The following SESN1 variants were observed in gnomAD, a reference collection of about 807,000 sequenced individuals.
SESN1 encodes the protein sestrin-1.
A neutral mutation model predicts 59.3 loss-of-function variants in SESN1; 30 were observed. The observed-to-expected ratio is 0.51, with a 90% confidence interval of 0.38 to 0.69. The LOEUF (loss-of-function observed/expected upper bound fraction) is 0.69, where lower values mean the gene tolerates loss of function less well. Among genes scored for constraint, SESN1 ranks in the 30% least tolerant of loss-of-function variants. SESN1 has a pLI of 0.00. For missense variants in SESN1, 566 were observed against 673.0 expected (o/e 0.84, Z 1.76); for synonymous variants, 197 against 219.9 (o/e 0.90, Z 0.92).
intron 1 of SESN1, among the ~76,000 whole-genome samples, chr6:109,090,898 T>A (rs1337401865): frequency 6.6e-6 from 1 of 152,170 alleles, no homozygotes; most frequent in Non-Finnish European, 1.5e-5. Flanking sequence ...GCCTCCTGAA[T>A]AGCTGGTACT....
intron 1 of SESN1, among the ~76,000 whole-genome samples, chr6:109,054,745 C>A (rs558572036): frequency 6.7e-6 from 1 of 150,190 alleles, no homozygotes; most frequent in East Asian, 1.9e-4. Context: ...ATTTTATGAG[C>A]TTCTTTGCAC....
intron 8 of SESN1, among the ~76,000 whole-genome samples, chr6:108,989,065 C>T (rs113477421): frequency 0.099 from 15,101 of 152,140 alleles, 900 homozygotes; most frequent in Middle Eastern, 0.19. Flanking sequence ...TGCAGTGGTG[C>T]TATCTTGGCT....
chr6:109,024,399 G>A (rs763006108), intron 1 of SESN1, among the ~76,000 whole-genome samples: 1 of 152,106 alleles, frequency 6.6e-6, no homozygotes, highest in Non-Finnish European at 1.5e-5. Context: ...AACTTGGATA[G>A]CACAGTAGCA....
intron 1 of SESN1, among the ~76,000 whole-genome samples, chr6:109,061,602 G>A (rs971946373): frequency 5.3e-5 from 8 of 151,998 alleles, no homozygotes; most frequent in African/African-American, 1.4e-4. Context: ...TCAGGAGTTC[G>A]CGACCAGCCT....
intron 1 of SESN1, among the ~76,000 whole-genome samples, chr6:109,033,339 A>T (rs1780210637): frequency 6.6e-6 from 1 of 152,182 alleles, no homozygotes; most frequent in Admixed American, 6.5e-5. Context: ...TAATTAGAAT[A>T]AAAAAATTTA....
chr6:109,022,486 G>A (rs1238880174), intron 1 of SESN1, among the ~76,000 whole-genome samples: 1 of 130,834 alleles, frequency 7.6e-6, no homozygotes, highest in Non-Finnish European at 1.5e-5. Context: ...GCAGTGGCGC[G>A]ATCTCGGCTC....
intron 1 of SESN1, among the ~76,000 whole-genome samples, chr6:109,025,593 T>C (rs1161822491): frequency 1.3e-5 from 2 of 149,942 alleles, no homozygotes; most frequent in Non-Finnish European, 3.0e-5. Context: ...TTTTAAAACT[T>C]TAAAGGAAAT....
intron 2 of SESN1, 93 bp from the exon 3 acceptor site, chr6:109,001,581 A>C: frequency 9.0e-7 from 1 of 1,109,570 alleles, no homozygotes; most frequent in Non-Finnish European, 1.3e-6. Flanking sequence ...TATCATTTAG[A>C]AGCAGATTAA....
chr6:108,992,421 A>G (rs1017377565), intron 7 of SESN1, among the ~76,000 whole-genome samples: 1 of 152,096 alleles, frequency 6.6e-6, no homozygotes, highest in East Asian at 1.9e-4. Flanking sequence ...CAGGCCCCTT[A>G]GTTTTTTGAG....
chr6:109,054,497 T>C (rs955849515), intron 1 of SESN1, among the ~76,000 whole-genome samples: 4 of 152,200 alleles, frequency 2.6e-5, no homozygotes, highest in African/African-American at 4.8e-5. Flanking sequence ...GATAAAATTA[T>C]GTTACACCAA....
intron 1 of SESN1, among the ~76,000 whole-genome samples, chr6:109,060,434 A>G (rs1583291281): frequency 6.6e-6 from 1 of 152,302 alleles, no homozygotes; most frequent in East Asian, 1.9e-4. Context: ...TGACCTGCCA[A>G]GCCTTTTTTC....
chr6:109,067,526 C>T (rs956198114), intron 1 of SESN1, among the ~76,000 whole-genome samples: 1 of 152,172 alleles, frequency 6.6e-6, no homozygotes. Context: ...TCCATTTCAT[C>T]GGCAGAGCCT....
chr6:109,013,670 G>A (rs752072218), intron 1 of SESN1, among the ~76,000 whole-genome samples: 7 of 152,194 alleles, frequency 4.6e-5, no homozygotes, highest in Non-Finnish European at 1.0e-4. Context: ...ACTTAATGCA[G>A]TAATTGGTTA....
chr6:109,086,558 TC>T (rs1383522461), intron 1 of SESN1, among the ~76,000 whole-genome samples: 1 of 152,210 alleles, frequency 6.6e-6, no homozygotes, highest in Non-Finnish European at 1.5e-5. Flanking sequence ...ACTTTCTAAT[TC>T]TTTTACTTCA....
In SESN1 at chr6:109,093,851, T is replaced by C; in HGVS notation, c.223A>G (p.Arg75Gly). ...TCTCTCACATCTTTGAAGGGACACC[T>C]CTTAGAAAGCATAAGCAGATGAGCA... ...LLAHLLMLSK[R>G]CPFKDVREKS... The change falls in exon 1 of 10, where the codon AGG becomes GGG. Residue 75 changes from arginine to glycine, a missense_variant. Coordinates refer to ENST00000436639, the MANE Select transcript of SESN1 (RefSeq NM_014454.3). 6.2e-7 allele frequency: 1 copy of C among 1,614,222 alleles called. No homozygotes were observed. Among genetic ancestry groups the C allele is most frequent in the Non-Finnish European group, 8.5e-7 (1 of 1,180,044 alleles).
chr6:109,093,727 C>T (rs1302503171), intron 1 of SESN1, 68 bp downstream of exon 1: 3 of 1,464,102 alleles, frequency 2.0e-6, no homozygotes, highest in South Asian at 2.6e-5. Context: ...ACAAACACAA[C>T]GTGAATAACG....
At chr6:109,078,713 C>G (rs999290761) in intron 1 of SESN1, among the ~76,000 whole-genome samples, 1 of 151,964 alleles carries the variant, frequency 6.6e-6, no homozygotes, top group African/African-American at 2.4e-5. Context: ...TTTTACATCC[C>G]CCACAATGCC....
At chr6:109,092,339 G>C (rs1284201439) in intron 1 of SESN1, among the ~76,000 whole-genome samples, 1 of 152,106 alleles carries the variant, frequency 6.6e-6, no homozygotes, top group Non-Finnish European at 1.5e-5. Flanking sequence ...TAAAGGAGTG[G>C]AATTTGAGCC....
chr6:109,077,516 A>T (rs1781050834), intron 1 of SESN1, among the ~76,000 whole-genome samples: 1 of 152,218 alleles, frequency 6.6e-6, no homozygotes, highest in Non-Finnish European at 1.5e-5. Flanking sequence ...AAACTCATCC[A>T]GAATATGAAT....
Sources: allele counts gnomAD v4.1 joint callset (sites outside exome capture counted in the v4.1 genomes callset), GRCh38; gene constraint gnomAD v4.1.1; transcripts MANE v1.5; gene names NCBI Gene and HGNC (gene_info 2026-07-23, HGNC 2026-07-21).